The following FRYL variants were observed in gnomAD, a reference collection of about 807,000 sequenced individuals.
FRYL encodes FRY like transcription coactivator, also known as protein furry homolog-like.
Under a neutral mutation model 351.2 loss-of-function variants are expected in FRYL, and 150 were observed. The observed-to-expected ratio is 0.43, with a 90% CI of 0.37 to 0.49. The LOEUF is 0.49. FRYL is among the 20% of genes least tolerant of loss of function. FRYL has a pLI of 0.00. For missense variants in FRYL, 3,036 were observed against 3,619.3 expected, an observed-to-expected ratio of 0.84 and a Z score of 4.13; for synonymous variants, 1,153 against 1,257.1, an observed-to-expected ratio of 0.92 and a Z score of 1.75.
Position 48,500,122 on chromosome 4 carries a change from T to G in FRYL, c.8691A>C (p.Ala2897=). 1 of 1,603,272 alleles carries G rather than the reference T, an allele frequency of 6.2e-7. No individual in the cohort carries two copies. The highest frequency in any genetic ancestry group is 1.1e-5 in the South Asian group (1 of 88,090). ...ENEEIDISKA[A]QTTIETAIHS... ...GAATGGCAGTTTCTATAGTAGTTTG[T>G]GCAGCTTTGGAAATGTCAATTTCTT... The change falls in exon 63 of 64, where the codon GCA becomes GCC. Residue 2897 remains alanine, a synonymous_variant. Transcript: ENST00000358350.
intron 36 of FRYL, among the ~76,000 whole-genome samples, chr4:48,551,983 T>C (rs1660921290): frequency 6.6e-6 from 1 of 152,200 alleles, no homozygotes; most frequent in Non-Finnish European, 1.5e-5. Flanking sequence ...TCTACTTTCT[T>C]GCCTCTTGCA....
At chr4:48,568,355 A>G (rs2149093796) in intron 27 of FRYL, among the ~76,000 whole-genome samples, 1 of 152,296 alleles carries the variant, frequency 6.6e-6, no homozygotes, top group South Asian at 2.1e-4. Context: ...TAGAGTCAGA[A>G]GTCCTGGATT....
chr4:48,743,023 C>T lies in FRYL; in HGVS notation c.-383-32325G>A, dbSNP rs1772289590. Among the ~76,000 whole-genome samples, 3 of 125,046 alleles carry T rather than the reference C, an allele frequency of 2.4e-5. No homozygotes were observed. In the South Asian group the frequency reaches 7.9e-4, roughly 33 times the overall value. 82.0% of individuals were successfully genotyped at this position (125,046 alleles called of 152,430 possible). A position where few individuals can be genotyped will look rare whatever the true frequency, so the allele number is the denominator to read the frequency against. The stretch of plus-strand genomic sequence containing the variant: ...TACTAGAGACAGAGTTTCATCACGT[C>T]GATCAGGCTGGTCTTGAACTCCTGA... On this transcript the variant is annotated intron_variant, in intron 1 of 63. Transcript: ENST00000358350.
chr4:48,775,199 T>C (rs1775882617), intron 1 of FRYL, among the ~76,000 whole-genome samples: 1 of 152,246 alleles, frequency 6.6e-6, no homozygotes, highest in Non-Finnish European at 1.5e-5. Context: ...TGCTAGGCTA[T>C]TTTGGAAGAG....
chr4:48,561,614 C>A lies in FRYL; in HGVS notation c.3719G>T (p.Arg1240Leu). 6.2e-7 allele frequency: 1 copy of A among 1,610,310 alleles called. No homozygotes were observed. Among genetic ancestry groups the A allele is most frequent in the Non-Finnish European group, 8.5e-7 (1 of 1,177,780 alleles). Residue 1240 changes from arginine (R) to leucine (L), a missense_variant, in exon 33 of 64, where the codon CGC becomes CTC. Around this residue, in one of 7 missense-constraint regions of FRYL, gnomAD observed 1,987 missense variants for 2,311.7 expected, o/e 0.86. Transcript: ENST00000358350. ...CTGAACCTCCAATTTGTGAGCATAGCGAAACATCTTCGGTTCCAGAATCTA... is the reference window on the plus strand; with the variant it reads ...CTGAACCTCCAATTTGTGAGCATAGAGAAACATCTTCGGTTCCAGAATCTA... ...LLQILEPKMF[R>L]YAHKLEVQRT... is the part of the protein sequence containing the mutation.
intron 28 of FRYL, among the ~76,000 whole-genome samples, chr4:48,566,293 C>A (rs1195200213): frequency 6.6e-6 from 1 of 152,146 alleles, no homozygotes; most frequent in Non-Finnish European, 1.5e-5. Flanking sequence ...GTTTGAAAAC[C>A]ACTGGTTTAA....
rs1308312717 is a variant in FRYL, at chr4:48,567,730, G to C, written c.2997-310C>G. 3.3e-5 allele frequency among the ~76,000 whole-genome samples: 5 copies of C among 152,142 alleles called. No individual in the cohort carries two copies. The highest frequency in any genetic ancestry group is 7.3e-5 in the Non-Finnish European group (5 of 68,032). On this transcript the variant is annotated intron_variant, in intron 27 of 63. Coordinates refer to ENST00000358350, the MANE Select transcript of FRYL (RefSeq NM_015030.2). The surrounding 1 kb of genome is among the most constrained non-coding windows in gnomAD (Gnocchi z 4.2). ...CAGATTTCTAAATACAGAGACAGGA[G>C]GCATATGAAATGGGGAGGATCAGTT...
intron 1 of FRYL, among the ~76,000 whole-genome samples, chr4:48,726,033 T>G (rs1483231059): frequency 6.6e-6 from 1 of 152,108 alleles, no homozygotes; most frequent in Admixed American, 6.5e-5. Flanking sequence ...AGAGGACTGG[T>G]GAAATTCTCA....
chr4:48,711,414 C>T lies in FRYL; in HGVS notation c.-383-716G>A, dbSNP rs539355262. 5.3e-5 allele frequency among the ~76,000 whole-genome samples: 8 copies of T among 152,380 alleles called. No homozygotes were observed. In the South Asian group the frequency reaches 1.2e-3, roughly 24 times the overall value. Reference sequence around the variant, plus strand: ...AAAACGGCGCACCAGGAGATTATATCCTGCACATGGCTCAGAGGGTCCTAC... The same window carrying T: ...AAAACGGCGCACCAGGAGATTATATTCTGCACATGGCTCAGAGGGTCCTAC... On this transcript the variant is annotated intron_variant, in intron 1 of 63. Transcript: ENST00000358350.
intron 1 of FRYL, among the ~76,000 whole-genome samples, chr4:48,759,049 C>G (rs984614773): frequency 1.3e-5 from 2 of 152,010 alleles, no homozygotes; most frequent in African/African-American, 4.8e-5. Context: ...CCGGGACACA[C>G]GGTGGGGAAC....
In FRYL at chr4:48,565,595, G is replaced by A. The variant is rs751566569; in HGVS notation, c.3266C>T (p.Thr1089Met). 9.3e-6 allele frequency: 15 copies of A among 1,613,630 alleles called. No homozygotes were observed. Among genetic ancestry groups the A allele is most frequent in the African/African-American group, 1.3e-5 (1 of 74,876 alleles). ...HWAGPFSIMF[T>M]PLDRYSDRNM... The stretch of plus-strand genomic sequence containing the variant: ...TCTATCACTGTATCTGTCCAAGGGC[G>A]TAAACATGATGCTAAAAGGACCTGC... Residue 1089 changes from threonine (T) to methionine (M), a missense_variant, in exon 29 of 64, where the codon ACG (threonine) becomes ATG (methionine). Around this residue, in one of 7 missense-constraint regions of FRYL, gnomAD observed 1,987 missense variants for 2,311.7 expected, o/e 0.86. Transcript: ENST00000358350.
chr4:48,510,170 A>G lies in FRYL; in HGVS notation c.8296-13T>C. 6.3e-7 allele frequency: 1 copy of G among 1,590,146 alleles called. No individual in the cohort carries two copies. ...CACATGACATCAGCTGTCAAATCAG[A>G]AGTATTGATCCAGGTTACCATTTCT... On this transcript the variant is annotated splice_polypyrimidine_tract_variant and intron_variant, in intron 58 of 63. Transcript: ENST00000358350.
At chr4:48,713,360 T>A (rs1470261311) in intron 1 of FRYL, among the ~76,000 whole-genome samples, 1 of 152,222 alleles carries the variant, frequency 6.6e-6, no homozygotes, top group African/African-American at 2.4e-5. Context: ...ATCAGTGTGC[T>A]GTATTCAGGA....
intron 50 of FRYL, among the ~76,000 whole-genome samples, chr4:48,528,980 C>T (rs1295401064): frequency 1.3e-5 from 2 of 152,042 alleles, no homozygotes; most frequent in Non-Finnish European, 2.9e-5. Flanking sequence ...CATACGAGTC[C>T]CTTTATGCTC....
chr4:48,610,543 A>G (rs1747856534), intron 7 of FRYL, among the ~76,000 whole-genome samples: 1 of 150,720 alleles, frequency 6.6e-6, no homozygotes, highest in Non-Finnish European at 1.5e-5. Flanking sequence ...TATACTTTCT[A>G]ACAGCCACTC....
chr4:48,592,082 T>TTATATATATATATATATATATATA (rs56320005), intron 16 of FRYL, among the ~76,000 whole-genome samples: 1,239 of 115,126 alleles, frequency 0.011, 19 homozygotes, highest in South Asian at 0.014. Flanking sequence ...AATAAAGCTC[T>TTATATATATATATATATATATATA]TATATATATA....
chr4:48,549,492 G>A lies in FRYL; in HGVS notation c.4765C>T (p.Pro1589Ser), dbSNP rs760163034. 6.2e-7 allele frequency: 1 copy of A among 1,612,746 alleles called. No individual in the cohort carries two copies. Among genetic ancestry groups the A allele is most frequent in the South Asian group, 1.1e-5 (1 of 90,672 alleles). ...GTCCACCTGTGAAGAGGTAATCCAG[G>A]TGATGACGTTTCAGGCACGTAATCC... Reference protein sequence around the residue: ...LVDYVPETSSPGLPLHRCNIA... With the variant: ...LVDYVPETSSSGLPLHRCNIA... Residue 1589 changes from proline to serine, a missense_variant, in exon 39 of 64, where the codon CCT (proline) becomes TCT (serine). Coordinates refer to ENST00000358350, the MANE Select transcript of FRYL (RefSeq NM_015030.2). The surrounding 1 kb of genome is among the most constrained non-coding windows in gnomAD (Gnocchi z 4.2).
intron 2 of FRYL, among the ~76,000 whole-genome samples, chr4:48,699,355 T>C (rs1305894621): frequency 6.6e-6 from 1 of 152,172 alleles, no homozygotes; most frequent in African/African-American, 2.4e-5. Context: ...ACATAAGAGT[T>C]TGCCCTATCA....
intron 1 of FRYL, among the ~76,000 whole-genome samples, chr4:48,777,567 A>C (rs1776148412): frequency 6.6e-6 from 1 of 152,250 alleles, no homozygotes; most frequent in African/African-American, 2.4e-5. Flanking sequence ...ATATAAAACA[A>C]TGTGTTTAAA....
Sources: allele counts gnomAD v4.1 joint callset (sites outside exome capture counted in the v4.1 genomes callset), GRCh38; gene constraint gnomAD v4.1.1; regional missense constraint gnomAD v4.1.1; non-coding constraint Gnocchi (gnomAD v3.1); transcripts MANE v1.5; gene names NCBI Gene and HGNC (gene_info 2026-07-23, HGNC 2026-07-21).